STPG2: variants seen among roughly 807,000 people sequenced by gnomAD.
The protein encoded by STPG2 is sperm tail PG-rich repeat containing 2.
In STPG2, 56 loss-of-function variants were observed where a neutral mutation model predicts 54.2. That is an observed-to-expected ratio of 1.03 (90% CI 0.83 to 1.29). STPG2 has a LOEUF of 1.29. Among genes scored for constraint, STPG2 ranks in the 50% most tolerant of loss-of-function variants. The probability of loss-of-function intolerance (pLI) is 0.00; values close to 1 mark genes in which losing one functional copy is unlikely to be tolerated. For synonymous variants in STPG2, 200 were observed against 181.8 expected, an observed-to-expected ratio of 1.10 and a Z score of -0.81; for missense variants, 596 against 544.9, an observed-to-expected ratio of 1.09 and a Z score of -0.93.
chr4:97,559,724 C>A (rs1732174756), intron 10 of STPG2, among the ~76,000 whole-genome samples: 4 of 152,138 alleles, frequency 2.6e-5, no homozygotes, highest in Admixed American at 2.6e-4. Context: ...CTTTTCTACT[C>A]TGGAGTTTTG....
At chr4:97,736,172 G>C (rs1724982223) in intron 9 of STPG2, among the ~76,000 whole-genome samples, 2 of 152,282 alleles carry the variant, frequency 1.3e-5, no homozygotes, top group South Asian at 4.1e-4. Flanking sequence ...ATATGACCCA[G>C]CAATTCCTAT....
At chr4:98,129,381 T>C (rs897948926) in intron 2 of STPG2, among the ~76,000 whole-genome samples, 1 of 152,170 alleles carries the variant, frequency 6.6e-6, no homozygotes, top group Non-Finnish European at 1.5e-5. Flanking sequence ...CTTGTATAAA[T>C]GTCCTAAGTA....
At chr4:98,126,560 T>C (rs1372578471) in intron 3 of STPG2, among the ~76,000 whole-genome samples, 1 of 152,046 alleles carries the variant, frequency 6.6e-6, no homozygotes, top group Non-Finnish European at 1.5e-5. Context: ...TTTTCCTCAC[T>C]CTCTGTGGGT....
intron 10 of STPG2, among the ~76,000 whole-genome samples, chr4:97,621,940 G>T (rs1339259844): frequency 6.6e-6 from 1 of 152,068 alleles, no homozygotes; most frequent in Non-Finnish European, 1.5e-5. Flanking sequence ...TATCAAGTAG[G>T]CTTTATCCTT....
chr4:97,585,290 G>C (rs1473119268), intron 10 of STPG2, among the ~76,000 whole-genome samples: 1 of 151,836 alleles, frequency 6.6e-6, no homozygotes, highest in Non-Finnish European at 1.5e-5. Context: ...AGGATATCCA[G>C]TGAACACCAT....
At chr4:97,781,387 G>T (rs916436216) in intron 9 of STPG2, among the ~76,000 whole-genome samples, 1 of 152,192 alleles carries the variant, frequency 6.6e-6, no homozygotes, top group Non-Finnish European at 1.5e-5. Flanking sequence ...CCAGGAAGAA[G>T]TTGAATCCCT....
At chr4:97,565,659 T>C (rs898436095) in intron 10 of STPG2, among the ~76,000 whole-genome samples, 1 of 152,206 alleles carries the variant, frequency 6.6e-6, no homozygotes, top group Non-Finnish European at 1.5e-5. Flanking sequence ...ACAGACAGGA[T>C]CCTCAGCTGC....
chr4:97,636,498 G>A (rs1240729368), intron 10 of STPG2, among the ~76,000 whole-genome samples: 2 of 146,454 alleles, frequency 1.4e-5, no homozygotes, highest in Non-Finnish European at 3.0e-5. Flanking sequence ...AATCCGAGCA[G>A]AACTGAAGGA....
At chr4:97,540,792 C>CACCA (rs1303979323) in intron 4 of STPG2, among the ~76,000 whole-genome samples, 1 of 152,090 alleles carries the variant, frequency 6.6e-6, no homozygotes, top group Non-Finnish European at 1.5e-5. Flanking sequence ...GGCTTCATTC[C>CACCA]TGGGATGGAA....
chr4:97,590,445 A>G (rs1260349292), intron 10 of STPG2, among the ~76,000 whole-genome samples: 1 of 152,116 alleles, frequency 6.6e-6, no homozygotes, highest in Non-Finnish European at 1.5e-5. Context: ...GTGTAGGACA[A>G]CTGAAGCATG....
At chr4:97,560,730 G>A (rs370750154) in intron 10 of STPG2, among the ~76,000 whole-genome samples, 7 of 152,232 alleles carry the variant, frequency 4.6e-5, no homozygotes, top group Admixed American at 6.5e-5. Context: ...CATTTGTTTC[G>A]AAAGAGCCAG....
intron 1 of STPG2, among the ~76,000 whole-genome samples, chr4:98,135,396 G>A (rs542782035): frequency 1.3e-5 from 2 of 151,820 alleles, no homozygotes; most frequent in South Asian, 4.2e-4. Flanking sequence ...TTTGTGTTAG[G>A]TATTGCAACA....
intron 5 of STPG2, among the ~76,000 whole-genome samples, chr4:98,011,551 G>C (rs1735751473): frequency 1.3e-5 from 2 of 152,124 alleles, no homozygotes; most frequent in Non-Finnish European, 2.9e-5. Context: ...CTCCCACAAT[G>C]GTTAAACTAA....
chr4:98,062,824 TAATTA>T (rs1245301111), intron 5 of STPG2, among the ~76,000 whole-genome samples: 2 of 152,144 alleles, frequency 1.3e-5, no homozygotes, highest in Non-Finnish European at 2.9e-5. Flanking sequence ...CATTGGATAT[TAATTA>T]AATTAAGTAT....
chr4:97,725,226 C>A (rs72879518), intron 9 of STPG2, among the ~76,000 whole-genome samples: 3 of 151,918 alleles, frequency 2.0e-5, no homozygotes, highest in Non-Finnish European at 4.4e-5. Flanking sequence ...CCTTCCTCTG[C>A]TAACCTACAC....
At chr4:97,918,149 C>T (rs919874533) in intron 8 of STPG2, among the ~76,000 whole-genome samples, 3 of 151,336 alleles carry the variant, frequency 2.0e-5, no homozygotes, top group Non-Finnish European at 3.0e-5. Flanking sequence ...TCATAAAAGA[C>T]TTATTAGACT....
intron 10 of STPG2, among the ~76,000 whole-genome samples, chr4:97,684,631 C>T (rs1280268223): frequency 6.6e-6 from 1 of 151,842 alleles, no homozygotes; most frequent in Non-Finnish European, 1.5e-5. Context: ...AAATACAAAA[C>T]CATACAACGT....
intron 10 of STPG2, among the ~76,000 whole-genome samples, chr4:97,678,847 T>C (rs187526190): frequency 0.017 from 2,575 of 148,748 alleles, 66 homozygotes; most frequent in African/African-American, 0.059. Context: ...CATTGTTCAA[T>C]TCCCACCTAT....
intron 9 of STPG2, among the ~76,000 whole-genome samples, chr4:97,736,371 G>A (rs910360372): frequency 5.9e-5 from 9 of 152,284 alleles, no homozygotes; most frequent in African/African-American, 2.2e-4. Context: ...GACAGTGGGT[G>A]CAGCACACCG....
Sources: gnomAD v4.1 joint callset for allele counts (sites outside exome capture counted in the v4.1 genomes callset) on GRCh38, gnomAD v4.1.1 for gene constraint, MANE v1.5 for transcripts, NCBI Gene and HGNC (gene_info 2026-07-23, HGNC 2026-07-21) for gene names.